PPP6R3: variants seen among roughly 807,000 people sequenced by gnomAD.
PPP6R3 encodes the protein protein phosphatase 6 regulatory subunit 3, also known as serine/threonine-protein phosphatase 6 regulatory subunit 3.
Under a neutral mutation model 110.7 loss-of-function variants are expected in PPP6R3, and 38 were observed. That is an observed-to-expected ratio of 0.34 (90% CI 0.26 to 0.45). The LOEUF is 0.45. Ranked by LOEUF, PPP6R3 falls within the 20% of genes least tolerant of loss-of-function variation. The probability of loss-of-function intolerance (pLI) is 1.00; values close to 1 mark genes in which losing one functional copy is unlikely to be tolerated. For missense variants in PPP6R3, 870 were observed against 1,062.4 expected, an observed-to-expected ratio of 0.82 and a Z score of 2.52; for synonymous variants, 369 against 373.5, an observed-to-expected ratio of 0.99 and a Z score of 0.14.
At chr11:68,584,164 C>T (rs938395258) in intron 15 of PPP6R3, among the ~76,000 whole-genome samples, 3 of 152,184 alleles carry the variant, frequency 2.0e-5, no homozygotes, top group Non-Finnish European at 4.4e-5. Context: ...AGCAGATTTC[C>T]GGAGGTTAGG....
intron 1 of PPP6R3, among the ~76,000 whole-genome samples, chr11:68,509,466 C>T (rs868486540): frequency 3.5e-4 from 46 of 132,170 alleles, no homozygotes; most frequent in Middle Eastern, 7.8e-3. Flanking sequence ...TATTTTACTT[C>T]TCTATTTTTT....
intron 2 of PPP6R3, among the ~76,000 whole-genome samples, chr11:68,523,135 G>A (rs1397874116): frequency 1.3e-5 from 2 of 152,204 alleles, no homozygotes; most frequent in Non-Finnish European, 2.9e-5. Context: ...TTAAAGGTAT[G>A]TATATTTTGG....
chr11:68,551,905 C>G (rs949340892), intron 6 of PPP6R3, among the ~76,000 whole-genome samples: 4 of 152,324 alleles, frequency 2.6e-5, no homozygotes, highest in African/African-American at 9.6e-5. Context: ...CATTGAGCCC[C>G]TACAGTAACT....
At chr11:68,542,319 G>T (rs1455731791) in intron 3 of PPP6R3, among the ~76,000 whole-genome samples, 1 of 151,608 alleles carries the variant, frequency 6.6e-6, no homozygotes, top group African/African-American at 2.4e-5. Context: ...AGCGAGGTCA[G>T]AGCCTATGGA....
chr11:68,466,691 C>A (rs544349666), intron 1 of PPP6R3, among the ~76,000 whole-genome samples: 2 of 152,276 alleles, frequency 1.3e-5, no homozygotes, highest in East Asian at 3.9e-4. Context: ...CGGCTCACTG[C>A]AAGCTCCGCC....
At chr11:68,576,995 G>A (rs2099534180) in intron 14 of PPP6R3, among the ~76,000 whole-genome samples, 1 of 152,176 alleles carries the variant, frequency 6.6e-6, no homozygotes, top group Non-Finnish European at 1.5e-5. Context: ...TCTTTTTCCA[G>A]ACTCCTGACA....
In PPP6R3 at chr11:68,537,708, C is replaced by T. The variant is rs762799387; in HGVS notation, c.44C>T (p.Thr15Ile). 6.8e-6 allele frequency: 11 copies of T among 1,612,658 alleles called. No individual in the cohort carries two copies. The highest frequency in any genetic ancestry group is 2.7e-5 in the African/African-American group (2 of 74,880). The change falls in exon 3 of 24, where the codon ACA (threonine) becomes ATA (isoleucine). Residue 15 changes from threonine to isoleucine, a missense_variant. Transcript: ENST00000393800. ...CTTCACTCATCATCCCACATAGACA[C>T]ACTTCTAGAAAGAGAAGATGTAACA... is the stretch of plus-strand genomic sequence containing the variant. The part of the protein sequence containing the change: ...FDLHSSSHID[T>I]LLEREDVTLK...
chr11:68,606,181 CAGAA>C (rs1939661625), intron 22 of PPP6R3, among the ~76,000 whole-genome samples: 1 of 152,174 alleles, frequency 6.6e-6, no homozygotes, highest in African/African-American at 2.4e-5. Context: ...TGGTGTTAGA[CAGAA>C]AGTCAGTCAT....
chr11:68,540,658 C>T (rs1241880854), intron 3 of PPP6R3, among the ~76,000 whole-genome samples: 1 of 151,796 alleles, frequency 6.6e-6, no homozygotes, highest in Admixed American at 6.6e-5. Flanking sequence ...TCTGTCTCAC[C>T]TCTGCACTGA....
chr11:68,461,018 TC>T (rs2098700697), intron 1 of PPP6R3, among the ~76,000 whole-genome samples, 191 bp downstream of exon 1: 1 of 150,918 alleles, frequency 6.6e-6, no homozygotes, highest in African/African-American at 2.4e-5. Context: ...TCCCGGCCGC[TC>T]CCCGTCCGCT....
intron 1 of PPP6R3, among the ~76,000 whole-genome samples, chr11:68,500,460 T>C (rs1483191054): frequency 2.0e-5 from 3 of 150,260 alleles, no homozygotes; most frequent in Admixed American, 6.6e-5. Flanking sequence ...GAATACACTT[T>C]GTTGGACTTT....
rs12221783 is a variant in PPP6R3, at chr11:68,610,362, C to G, written c.2570+339C>G. 1.9e-3 allele frequency among the ~76,000 whole-genome samples: 284 copies of G among 152,270 alleles called. 8 individuals are homozygous for G. The East Asian group carries it at 0.049, about 26-fold the overall frequency. ...AGGGTGGCATTGAGCCCCTCCAGGA[C>G]TTGAGTTCTCATTGGCCCCACTAAA... On this transcript the variant is annotated intron_variant, in intron 23 of 23. Transcript: ENST00000393800.
intron 14 of PPP6R3, 107 bp from the exon 15 acceptor site, chr11:68,582,936 G>C (rs1437534011): frequency 2.3e-6 from 2 of 874,466 alleles, no homozygotes; most frequent in Non-Finnish European, 3.5e-6. Flanking sequence ...ATTTTTTTCT[G>C]TTACACGTTG....
At chr11:68,518,818 A>G (rs2099149681) in intron 1 of PPP6R3, among the ~76,000 whole-genome samples, 1 of 152,148 alleles carries the variant, frequency 6.6e-6, no homozygotes, top group Non-Finnish European at 1.5e-5. Flanking sequence ...TGTTTTGGAA[A>G]TGCCTTGTAG....
rs1371095088 is a variant in PPP6R3, at chr11:68,511,807, T to TG, written c.-157-7694_-157-7693insG. Among the ~76,000 whole-genome samples the TG allele has an allele frequency of 3.6e-3, 523 of 144,636 alleles. 3 individuals carry two copies. The highest frequency in any genetic ancestry group is 8.1e-3 in the African/African-American group (314 of 38,816). 94.9% of individuals were successfully genotyped at this position (144,636 alleles called of 152,430 possible). A position where few individuals can be genotyped will look rare whatever the true frequency, so the allele number is the denominator to read the frequency against. ...TGTGTGTGTGTGTGTGTGTGTGTGTTTTTTAAATGTACTTATCACTAATTT... is the reference window on the plus strand; with the variant it reads ...TGTGTGTGTGTGTGTGTGTGTGTGTTGTTTTAAATGTACTTATCACTAATTT... On this transcript the variant is annotated intron_variant, in intron 1 of 23. Transcript: ENST00000393800.
chr11:68,507,433 A>G (rs1191315325), intron 1 of PPP6R3, among the ~76,000 whole-genome samples: 1 of 152,126 alleles, frequency 6.6e-6, no homozygotes, highest in African/African-American at 2.4e-5. Context: ...ATCAACAGTC[A>G]TGGAAGTTGG....
At chr11:68,527,217 G>A (rs1453917215) in intron 2 of PPP6R3, among the ~76,000 whole-genome samples, 2 of 152,214 alleles carry the variant, frequency 1.3e-5, no homozygotes, top group Non-Finnish European at 2.9e-5. Flanking sequence ...GTCATTTAGT[G>A]TGAAATCTTG....
At chr11:68,594,968 A>G (rs1238513497) in intron 18 of PPP6R3, among the ~76,000 whole-genome samples, 1 of 152,206 alleles carries the variant, frequency 6.6e-6, no homozygotes, top group Non-Finnish European at 1.5e-5. Flanking sequence ...TTCAGTGAAG[A>G]AAGGATAGTC....
chr11:68,575,174 T>C (rs1054490397), intron 13 of PPP6R3, among the ~76,000 whole-genome samples: 1 of 152,232 alleles, frequency 6.6e-6, no homozygotes, highest in African/African-American at 2.4e-5. Flanking sequence ...ACTGAGTTTT[T>C]AGATCAGACT....
Sources: allele counts gnomAD v4.1 joint callset (sites outside exome capture counted in the v4.1 genomes callset), GRCh38; gene constraint gnomAD v4.1.1; transcripts MANE v1.5; gene names NCBI Gene and HGNC (gene_info 2026-07-23, HGNC 2026-07-21).